The following MARCHF6 variants were observed in gnomAD, a reference collection of about 807,000 sequenced individuals.
MARCHF6 encodes E3 ubiquitin-protein ligase MARCHF6.
In MARCHF6, 31 loss-of-function variants were observed where a neutral mutation model predicts 133.7. The ratio of observed to expected loss-of-function variants is 0.23; its 90% CI spans 0.17 to 0.31. The LOEUF (loss-of-function observed/expected upper bound fraction) is 0.31, where lower values mean the gene tolerates loss of function less well. Among genes scored for constraint, MARCHF6 ranks in the 10% least tolerant of loss-of-function variants. The pLI, the probability that MARCHF6 is intolerant of heterozygous loss-of-function variation, is 1.00. For missense variants in MARCHF6, 723 were observed against 1,121.6 expected (o/e 0.64, Z 5.08); for synonymous variants, 395 against 402.5 (o/e 0.98, Z 0.22).
At chr5:10,380,650 G>C (rs935427028) in intron 3 of MARCHF6, among the ~76,000 whole-genome samples, 2 of 152,194 alleles carry the variant, frequency 1.3e-5, no homozygotes, top group African/African-American at 4.8e-5. Context: ...TTGTGGCCAG[G>C]TGCTGTGGCT....
At chr5:10,402,190 A>G in intron 12 of MARCHF6, 51 bp downstream of exon 12, 3 of 1,259,288 alleles carry the variant, frequency 2.4e-6, no homozygotes, top group Middle Eastern at 4.5e-4. Flanking sequence ...TTCATACCAA[A>G]GAACTCTTCA....
At chr5:10,386,815 C>A in intron 4 of MARCHF6, 179 bp from the exon 5 acceptor site, 1 of 510,642 alleles carries the variant, frequency 2.0e-6, no homozygotes, top group Non-Finnish European at 3.6e-6. Flanking sequence ...TTCATTGTCA[C>A]TATATTTGTG....
In MARCHF6 at chr5:10,411,322, T is replaced by C. The variant is rs1459337865; in HGVS notation, c.1692-11T>C. The stretch of plus-strand genomic sequence containing the variant: ...GAAGTGAGACTTGTTACTGATGTAA[T>C]TTTTGCACAGGGATCTTCATTCTTA... On this transcript the variant is annotated splice_polypyrimidine_tract_variant and intron_variant, in intron 18 of 25. Coordinates refer to ENST00000274140, the MANE Select transcript of MARCHF6 (RefSeq NM_005885.4). The C allele has an allele frequency of 1.9e-6, 3 of 1,612,606 alleles. No individual in the cohort carries two copies. In the East Asian group the frequency reaches 6.7e-5, roughly 36 times the overall value.
chr5:10,377,764 C>T (rs1418606534), intron 1 of MARCHF6, 34 bp from the exon 2 acceptor site: 1 of 1,458,870 alleles, frequency 6.9e-7, no homozygotes, highest in Admixed American at 1.7e-5. Context: ...AAGTTATAAC[C>T]AAAGGAAATT....
At chr5:10,364,942 T>TA (rs756380733) in intron 1 of MARCHF6, among the ~76,000 whole-genome samples, 8 of 152,020 alleles carry the variant, frequency 5.3e-5, no homozygotes, top group Non-Finnish European at 1.0e-4. Flanking sequence ...TAGCTGGGAT[T>TA]ACAAGCACAT....
intron 1 of MARCHF6, among the ~76,000 whole-genome samples, chr5:10,371,860 T>C (rs1736488264): frequency 6.6e-6 from 1 of 152,170 alleles, no homozygotes; most frequent in Non-Finnish European, 1.5e-5. Context: ...TGCAAGTTGC[T>C]GCTGGCTGGC....
At position 10,363,469 on chromosome 5, in the gene MARCHF6, G is replaced by A. The variant is rs755494380; in HGVS notation, c.19+9552G>A. Among the ~76,000 whole-genome samples the A allele has an allele frequency of 3.9e-5, 6 of 152,312 alleles. No homozygotes were observed. In the South Asian group the frequency reaches 1.0e-3, roughly 26 times the overall value. ...ACACCACTTCACACCTGCTAGGATG[G>A]CTATAATCAGAAAGAACAGGTAAGT... On this transcript the variant is annotated intron_variant, in intron 1 of 25. Coordinates refer to ENST00000274140, the MANE Select transcript of MARCHF6 (RefSeq NM_005885.4).
chr5:10,389,315 A>G (rs546260642), intron 5 of MARCHF6, among the ~76,000 whole-genome samples: 87 of 152,336 alleles, frequency 5.7e-4, no homozygotes, highest in African/African-American at 1.9e-3. Context: ...TAAAGGAACC[A>G]TACTTTGCCT....
At chr5:10,421,220 A>G (rs540090505) in intron 22 of MARCHF6, among the ~76,000 whole-genome samples, 1 of 152,372 alleles carries the variant, frequency 6.6e-6, no homozygotes, top group Admixed American at 6.5e-5. Context: ...AGGCATGAGC[A>G]AGGCTGTTTC....
At chr5:10,432,899 CTTTTTTTTTTTT>C (rs752051489) in intron 25 of MARCHF6, among the ~76,000 whole-genome samples, 1 of 136,222 alleles carries the variant, frequency 7.3e-6, no homozygotes, top group Non-Finnish European at 1.6e-5. Flanking sequence ...TCCCTTCCTA[CTTTTTTTTTTTT>C]TTTTTTTTTG....
intron 1 of MARCHF6, among the ~76,000 whole-genome samples, chr5:10,372,697 T>A (rs1285037588): frequency 6.6e-6 from 1 of 152,230 alleles, no homozygotes; most frequent in Non-Finnish European, 1.5e-5. Context: ...TATGTGTTAA[T>A]ATAAATACTG....
intron 3 of MARCHF6, among the ~76,000 whole-genome samples, chr5:10,381,392 G>C (rs894916528): frequency 6.6e-6 from 1 of 152,184 alleles, no homozygotes; most frequent in Admixed American, 6.5e-5. Context: ...GCTTATATTT[G>C]GGGGAGTGTT....
chr5:10,422,097 C>G (rs1456517638), intron 22 of MARCHF6: 1 of 152,086 alleles, frequency 6.6e-6, no homozygotes, highest in Non-Finnish European at 1.5e-5. Context: ...TAAAGCAGAA[C>G]GCAGTTGTTG....
At chr5:10,365,646 G>C (rs1242095109) in intron 1 of MARCHF6, among the ~76,000 whole-genome samples, 1 of 152,126 alleles carries the variant, frequency 6.6e-6, no homozygotes, top group Non-Finnish European at 1.5e-5. Flanking sequence ...AACCCACATA[G>C]TTTGTGTATG....
At chr5:10,397,211 C>G (rs1428542057) in intron 9 of MARCHF6, 82 bp from the exon 10 acceptor site, 23 of 984,338 alleles carry the variant, frequency 2.3e-5, no homozygotes, top group Middle Eastern at 2.2e-4. Context: ...CTATTTGGCT[C>G]TAGCTAAATA....
At chr5:10,356,359 T>TTTATA (rs1194019316) in intron 1 of MARCHF6, among the ~76,000 whole-genome samples, 1 of 124,844 alleles carries the variant, frequency 8.0e-6, no homozygotes, top group Non-Finnish European at 1.7e-5. Context: ...TTTATTTTAT[T>TTTATA]TTATTTTATT....
intron 20 of MARCHF6, 80 bp downstream of exon 20, chr5:10,414,582 C>T (rs1579605155): frequency 2.6e-6 from 3 of 1,163,878 alleles, no homozygotes; most frequent in East Asian, 2.3e-5. Flanking sequence ...TTGCTCTGTT[C>T]CCCAGTCTGG....
chr5:10,431,070 C>CAAA (rs1440389005), intron 25 of MARCHF6, among the ~76,000 whole-genome samples: 2 of 152,078 alleles, frequency 1.3e-5, no homozygotes, highest in African/African-American at 4.8e-5. Context: ...TGTGCTTGTC[C>CAAA]CCCCTTGCAC....
At chr5:10,380,082 A>G (rs957296445) in intron 3 of MARCHF6, among the ~76,000 whole-genome samples, 1 of 152,060 alleles carries the variant, frequency 6.6e-6, no homozygotes, top group African/African-American at 2.4e-5. Context: ...AAGTTATTAA[A>G]TATTTGAAGC....
Sources: allele counts gnomAD v4.1 joint callset (sites outside exome capture counted in the v4.1 genomes callset), GRCh38; gene constraint gnomAD v4.1.1; transcripts MANE v1.5; gene names NCBI Gene and HGNC (gene_info 2026-07-23, HGNC 2026-07-21).